Variants in TSGA10 observed in about 807,000 individuals in gnomAD.
The protein encoded by TSGA10 is testis specific 10, also known as testis-specific gene 10 protein.
In TSGA10, 43 loss-of-function variants were observed where a neutral mutation model predicts 96.6. The ratio of observed to expected loss-of-function variants is 0.44; its 90% CI spans 0.35 to 0.57. TSGA10 has a LOEUF of 0.57. Among genes scored for constraint, TSGA10 ranks in the 20% least tolerant of loss-of-function variants. The probability of loss-of-function intolerance (pLI) is 0.01; values close to 1 mark genes in which losing one functional copy is unlikely to be tolerated. For synonymous variants in TSGA10, 229 were observed against 269.9 expected, an observed-to-expected ratio of 0.85 and a Z score of 1.48; for missense variants, 703 against 834.4, an observed-to-expected ratio of 0.84 and a Z score of 1.94.
intron 13 of TSGA10, among the ~76,000 whole-genome samples, chr2:99,072,774 C>T (rs1428777178): frequency 6.6e-6 from 1 of 152,174 alleles, no homozygotes; most frequent in African/African-American, 2.4e-5. Flanking sequence ...GGTCAAGAGG[C>T]TTGTCAACAT....
chr2:99,136,042 C>T (rs956719918), intron 1 of TSGA10, among the ~76,000 whole-genome samples: 3 of 142,890 alleles, frequency 2.1e-5, no homozygotes, highest in African/African-American at 5.1e-5. Flanking sequence ...CATAGAGTTG[C>T]GTGAGGAGTA....
chr2:99,057,274 G>A (rs2084119595), intron 16 of TSGA10, among the ~76,000 whole-genome samples: 1 of 152,088 alleles, frequency 6.6e-6, no homozygotes, highest in African/African-American at 2.4e-5. Context: ...AAAGGAAAAA[G>A]TAAAAACTAT....
At chr2:99,004,574 C>T (rs1459219857) in intron 20 of TSGA10, among the ~76,000 whole-genome samples, 1 of 152,102 alleles carries the variant, frequency 6.6e-6, no homozygotes, top group Non-Finnish European at 1.5e-5. Flanking sequence ...CACATACACG[C>T]TCTCAAGACT....
chr2:99,007,485 C>A (rs1490355600), intron 20 of TSGA10, among the ~76,000 whole-genome samples: 1 of 151,938 alleles, frequency 6.6e-6, no homozygotes, highest in Non-Finnish European at 1.5e-5. Context: ...AAGTAGAGTT[C>A]AGCAAAAGAA....
chr2:99,104,200 A>G, intron 9 of TSGA10, 82 bp from the exon 10 acceptor site: 1 of 1,499,298 alleles, frequency 6.7e-7, no homozygotes, highest in Non-Finnish European at 9.1e-7. Context: ...CCCTCTGTAC[A>G]AACTGGTTTA....
intron 5 of TSGA10, 106 bp from the exon 6 acceptor site, chr2:99,109,618 G>T: frequency 2.1e-6 from 2 of 950,220 alleles, no homozygotes; most frequent in Non-Finnish European, 2.8e-6. Context: ...CATTTTCTAA[G>T]TGAAATTGAA....
chr2:99,124,524 A>G (rs1052633698), intron 2 of TSGA10, among the ~76,000 whole-genome samples: 1 of 152,082 alleles, frequency 6.6e-6, no homozygotes, highest in Non-Finnish European at 1.5e-5. Flanking sequence ...TTCCTCTATT[A>G]TTTACATTTT....
intron 16 of TSGA10, among the ~76,000 whole-genome samples, chr2:99,043,561 C>T (rs914358697): frequency 6.6e-6 from 1 of 151,984 alleles, no homozygotes; most frequent in Admixed American, 6.6e-5. Context: ...AGGATAAAAG[C>T]TAAGAGATCT....
At chr2:99,020,523 A>G in intron 17 of TSGA10, 41 bp from the exon 18 acceptor site, 1 of 1,444,962 alleles carries the variant, frequency 6.9e-7, no homozygotes, top group Middle Eastern at 1.8e-4. Context: ...ATTCCCATTA[A>G]TTCACTTAAC....
intron 13 of TSGA10, 149 bp from the exon 14 acceptor site, chr2:99,072,023 G>T: frequency 3.1e-6 from 2 of 645,020 alleles, no homozygotes; most frequent in Non-Finnish European, 5.1e-6. Context: ...ATACTGCAAA[G>T]ACAGTGCATT....
chr2:99,073,289 T>C (rs918745454), intron 12 of TSGA10, among the ~76,000 whole-genome samples: 2 of 152,236 alleles, frequency 1.3e-5, no homozygotes, highest in Non-Finnish European at 2.9e-5. Flanking sequence ...GTAAAGGCTA[T>C]ACTTAGGTGT....
At chr2:99,087,438 G>A (rs1267754312) in intron 10 of TSGA10, among the ~76,000 whole-genome samples, 2 of 151,658 alleles carry the variant, frequency 1.3e-5, no homozygotes, top group South Asian at 2.1e-4. Flanking sequence ...CCCGGGAGGC[G>A]GAGGTTGCAG....
rs1365948126 is a variant in TSGA10 at position 99,078,782 on chromosome 2, T to C, written c.759A>G (p.Arg253=). The part of the protein sequence containing the change: ...DNFTRQNIAQ[R]EEISILGGTL... ...TTCCACCAAGAATGCTGATTTCTTC[T>C]CGCTGTGCAATATTTTGCCTTGTAA... The change falls in exon 12 of 21, where the codon CGA becomes CGG. Residue 253 remains arginine, a synonymous_variant. Coordinates refer to ENST00000393483, the MANE Select transcript of TSGA10 (RefSeq NM_025244.4). The C allele has an allele frequency of 1.2e-6, 2 of 1,613,476 alleles. No homozygotes were observed. The highest frequency in any genetic ancestry group is 1.1e-5 in the South Asian group (1 of 91,038).
intron 2 of TSGA10, among the ~76,000 whole-genome samples, chr2:99,119,007 A>C (rs2092434377): frequency 6.6e-6 from 1 of 152,154 alleles, no homozygotes; most frequent in Non-Finnish European, 1.5e-5. Context: ...AAACACTCGC[A>C]CACAGAAGTT....
chr2:99,026,434 T>TATA (rs2080571513), intron 17 of TSGA10, among the ~76,000 whole-genome samples: 1 of 152,098 alleles, frequency 6.6e-6, no homozygotes, highest in South Asian at 2.1e-4. Context: ...TTTTTTTTAT[T>TATA]TTTGAGATGG....
intron 10 of TSGA10, among the ~76,000 whole-genome samples, chr2:99,085,535 A>G (rs1165767882): frequency 1.4e-5 from 2 of 141,512 alleles, no homozygotes; most frequent in Non-Finnish European, 3.0e-5. Flanking sequence ...CTTGTGCCTG[A>G]GAGGTCAAGG....
At chr2:99,098,300 G>T (rs942571037) in intron 10 of TSGA10, among the ~76,000 whole-genome samples, 9 of 151,260 alleles carry the variant, frequency 6.0e-5, no homozygotes, top group African/African-American at 2.2e-4. Flanking sequence ...TTAGCCAGGC[G>T]TGGTGGCGGG....
intron 12 of TSGA10, among the ~76,000 whole-genome samples, chr2:99,074,821 C>T (rs1294999190): frequency 1.3e-5 from 2 of 151,722 alleles, no homozygotes; most frequent in Admixed American, 1.3e-4. Flanking sequence ...TAGCCGGGTG[C>T]AGTGGTGGGC....
At chr2:99,141,132 G>C (rs1448999643) in intron 1 of TSGA10, 4 of 1,278,702 alleles carry the variant, frequency 3.1e-6, no homozygotes, top group Non-Finnish European at 4.1e-6. Flanking sequence ...GTCCTGCCCA[G>C]AGCTCATCCC....
Sources: gnomAD v4.1 joint callset for allele counts (sites outside exome capture counted in the v4.1 genomes callset) on GRCh38, gnomAD v4.1.1 for gene constraint, MANE v1.5 for transcripts, NCBI Gene and HGNC (gene_info 2026-07-23, HGNC 2026-07-21) for gene names.